The following RGS6 variants were observed in gnomAD, a reference collection of about 807,000 sequenced individuals.
The protein encoded by RGS6 is regulator of G-protein signaling 6.
RGS6 carries 30 observed loss-of-function variants against 78.5 expected under a neutral mutation model. The ratio of observed to expected loss-of-function variants is 0.38; its 90% CI spans 0.29 to 0.52. The LOEUF (loss-of-function observed/expected upper bound fraction) is 0.52, where lower values mean the gene tolerates loss of function less well. RGS6 is among the 20% of genes least tolerant of loss of function. The probability of loss-of-function intolerance (pLI) is 0.85; values close to 1 mark genes in which losing one functional copy is unlikely to be tolerated. For synonymous variants in RGS6, 206 were observed against 206.0 expected, an observed-to-expected ratio of 1.00 and a Z score of 0.00; for missense variants, 495 against 609.7, an observed-to-expected ratio of 0.81 and a Z score of 1.98.
At chr14:72,178,183 G>C (rs1254888237) in intron 2 of RGS6, among the ~76,000 whole-genome samples, 1 of 152,216 alleles carries the variant, frequency 6.6e-6, no homozygotes, top group East Asian at 1.9e-4. Flanking sequence ...ATTAACTCCA[G>C]TTACAGTCAC....
intron 2 of RGS6, among the ~76,000 whole-genome samples, chr14:72,151,750 A>C (rs1350937379): frequency 6.6e-6 from 1 of 152,198 alleles, no homozygotes; most frequent in African/African-American, 2.4e-5. Context: ...AAAAAGGGTA[A>C]AAAGAGATTG....
intron 3 of RGS6, among the ~76,000 whole-genome samples, chr14:72,427,598 G>A (rs935256969): frequency 6.6e-6 from 1 of 152,178 alleles, no homozygotes; most frequent in African/African-American, 2.4e-5. Context: ...CCCAAATTAG[G>A]TGGCAGGGAT....
chr14:72,240,941 G>A (rs1020630836), intron 2 of RGS6, among the ~76,000 whole-genome samples: 1 of 152,046 alleles, frequency 6.6e-6, no homozygotes, highest in Admixed American at 6.5e-5. Context: ...GGTGGATCAC[G>A]AGGTCAGGAG....
chr14:72,546,979 A>T (rs2097415594), intron 17 of RGS6, among the ~76,000 whole-genome samples: 1 of 152,256 alleles, frequency 6.6e-6, no homozygotes, highest in East Asian at 1.9e-4. Flanking sequence ...GGGTCTCGGC[A>T]TGCTTGTCAC....
chr14:72,574,386 C>A, the RGS6 span, among the ~76,000 whole-genome samples: 3 of 152,206 alleles, frequency 2.0e-5, no homozygotes, highest in East Asian at 5.8e-4. Flanking sequence ...ATAGGAGTGA[C>A]CACCCCAGCA....
chr14:72,070,892 T>C (rs2094384896), intron 2 of RGS6, among the ~76,000 whole-genome samples: 1 of 152,202 alleles, frequency 6.6e-6, no homozygotes. Context: ...TATACATATG[T>C]ATGTTTTGTG....
chr14:72,603,134 G>A, the RGS6 span, among the ~76,000 whole-genome samples: 342 of 152,038 alleles, frequency 2.2e-3, no homozygotes, highest in Middle Eastern at 0.01. Context: ...AAGAAAGTTG[G>A]CCATTTTGCC....
intron 3 of RGS6, among the ~76,000 whole-genome samples, chr14:72,432,732 T>G (rs1597434171): frequency 6.6e-6 from 1 of 151,996 alleles, no homozygotes; most frequent in Non-Finnish European, 1.5e-5. Flanking sequence ...TGTGGATGAG[T>G]GGGAGCCATA....
intron 2 of RGS6, among the ~76,000 whole-genome samples, chr14:71,974,206 TAAAAG>T (rs1291391765): frequency 6.6e-6 from 1 of 151,636 alleles, no homozygotes; most frequent in Admixed American, 6.6e-5. Context: ...GAAAAAAAAA[TAAAAG>T]CGAATAGATA....
At chr14:71,988,303 G>A (rs540425132) in intron 2 of RGS6, among the ~76,000 whole-genome samples, 1 of 152,286 alleles carries the variant, frequency 6.6e-6, no homozygotes, top group East Asian at 1.9e-4. Context: ...TGAAACAAAA[G>A]TCTCCTATGG....
intron 2 of RGS6, among the ~76,000 whole-genome samples, chr14:71,997,767 A>T (rs956489307): frequency 1.3e-5 from 2 of 152,242 alleles, no homozygotes; most frequent in Non-Finnish European, 2.9e-5. Context: ...TTTACTGTTC[A>T]TAAAGCACTT....
intron 3 of RGS6, among the ~76,000 whole-genome samples, chr14:72,438,368 T>G (rs537705264): frequency 6.6e-6 from 1 of 152,128 alleles, no homozygotes; most frequent in African/African-American, 2.4e-5. Context: ...CACCAGTGAC[T>G]CTCAAATACT....
At chr14:72,482,584 C>T (rs567737477) in intron 12 of RGS6, among the ~76,000 whole-genome samples, 1 of 152,316 alleles carries the variant, frequency 6.6e-6, no homozygotes, top group South Asian at 2.1e-4. Flanking sequence ...CTGATCTTGG[C>T]TGGGCTCTCT....
Position 72,553,030 on chromosome 14 carries a change from G to A in RGS6, c.1423-9387G>A, listed in dbSNP as rs375372198. Among the ~76,000 whole-genome samples the A allele has an allele frequency of 1.4e-4, 22 of 152,312 alleles. No homozygotes were observed. The East Asian group carries it at 2.3e-3, about 16-fold the overall frequency. On this transcript the variant is annotated intron_variant, in intron 17 of 17. Coordinates refer to ENST00000553525, the MANE Select transcript of RGS6 (RefSeq NM_001204424.2). ...CTGTGGTCTCAACATGCACATGAAC[G>A]CATGCACTGGTGTATGCACATGTGC...
the RGS6 span, among the ~76,000 whole-genome samples, chr14:71,910,535 A>G: frequency 6.6e-6 from 1 of 152,246 alleles, no homozygotes; most frequent in African/African-American, 2.4e-5. Context: ...ATTGCTGTGC[A>G]TTACACACAT....
intron 2 of RGS6, among the ~76,000 whole-genome samples, chr14:72,002,452 G>A (rs1209169770): frequency 2.0e-5 from 3 of 152,138 alleles, no homozygotes; most frequent in African/African-American, 7.2e-5. Flanking sequence ...CATCAGGTTG[G>A]TTTCTGGTAG....
chr14:72,341,319 A>C (rs1222131537), intron 2 of RGS6, among the ~76,000 whole-genome samples: 2 of 152,208 alleles, frequency 1.3e-5, no homozygotes, highest in African/African-American at 2.4e-5. Context: ...ACTCACTTTC[A>C]TGAGAACAGC....
intron 17 of RGS6, among the ~76,000 whole-genome samples, chr14:72,561,429 C>T (rs886527443): frequency 2.0e-5 from 3 of 152,216 alleles, no homozygotes; most frequent in Non-Finnish European, 4.4e-5. Context: ...TCTAGCCATA[C>T]TGTCCTCTAA....
intron 17 of RGS6, among the ~76,000 whole-genome samples, chr14:72,555,708 ACTCCGTTTGAGTCTGTTTCCTT>A (rs2097564975): frequency 1.3e-5 from 2 of 152,164 alleles, no homozygotes; most frequent in Admixed American, 1.3e-4. Context: ...AGTTACTCAA[ACTCCGTTTGAGTCTGTTTCCTT>A]GTTCGTTTAG....
Sources: allele counts gnomAD v4.1 joint callset (sites outside exome capture counted in the v4.1 genomes callset), GRCh38; gene constraint gnomAD v4.1.1; transcripts MANE v1.5; gene names NCBI Gene and HGNC (gene_info 2026-07-23, HGNC 2026-07-21).